Variants in SPTA1 observed in about 807,000 individuals in gnomAD.
SPTA1 encodes the protein spectrin alpha, erythrocytic 1, also known as spectrin alpha chain, erythrocytic 1.
Under a neutral mutation model 324.7 loss-of-function variants are expected in SPTA1, and 177 were observed. That is an observed-to-expected ratio of 0.55 (90% CI 0.48 to 0.62). SPTA1 has a LOEUF of 0.62. Among genes scored for constraint, SPTA1 ranks in the 20% least tolerant of loss-of-function variants. The probability of loss-of-function intolerance (pLI) is 0.00; values close to 1 mark genes in which losing one functional copy is unlikely to be tolerated. For synonymous variants in SPTA1, 1,195 were observed against 1,041.3 expected, an observed-to-expected ratio of 1.15 and a Z score of -2.84; for missense variants, 3,162 against 2,883.6, an observed-to-expected ratio of 1.10 and a Z score of -2.21.
At chr1:158,636,553 G>A (rs181740662) in intron 37 of SPTA1, 88 bp downstream of exon 37, 84 of 1,489,734 alleles carry the variant, frequency 5.6e-5, no homozygotes, top group Admixed American at 2.4e-4. Context: ...CTATTTTCAC[G>A]TTTTGTAGCA....
chr1:158,636,215 T>A (rs1413032987), intron 37 of SPTA1, among the ~76,000 whole-genome samples, 181 bp from the exon 38 acceptor site: 1 of 152,174 alleles, frequency 6.6e-6, no homozygotes, highest in Non-Finnish European at 1.5e-5. Context: ...TTTGCTATGC[T>A]AAACTTTCCC....
At chr1:158,615,061 G>A in intron 48 of SPTA1, 155 bp downstream of exon 48, 2 of 789,214 alleles carry the variant, frequency 2.5e-6, no homozygotes, top group Middle Eastern at 7.8e-4. Flanking sequence ...TCAGTATAAA[G>A]AGAAATAGTC....
chr1:158,647,453 A>C (rs1652079054), intron 27 of SPTA1, 86 bp downstream of exon 27: 1 of 1,551,648 alleles, frequency 6.4e-7, no homozygotes, highest in African/African-American at 1.4e-5. Context: ...GCCCTCCAAA[A>C]CCAGCAGTGA....
intron 3 of SPTA1, among the ~76,000 whole-genome samples, 181 bp from the exon 4 acceptor site, chr1:158,681,848 G>A (rs1654842574): frequency 6.6e-6 from 1 of 152,154 alleles, no homozygotes; most frequent in South Asian, 2.1e-4. Flanking sequence ...AACAAGCCAA[G>A]CCAAATGCGA....
In SPTA1 at chr1:158,642,493, G is replaced by A. The variant is rs1257858480; in HGVS notation, c.4655C>T (p.Ser1552Phe). The change falls in exon 33 of 52, where the codon TCT becomes TTT. Residue 1552 changes from serine to phenylalanine, a missense_variant. Transcript: ENST00000643759. Reference protein sequence around the residue: ...QTFAHEVDGRSEQVHGVINLG... With the variant: ...QTFAHEVDGRFEQVHGVINLG... ...GTTGATGACGCCATGCACCTGCTCA[G>A]ATCGGCCATCGACTTCATGTGCAAA... is the stretch of plus-strand genomic sequence containing the variant. 24 of 1,613,562 alleles carry A rather than the reference G, an allele frequency of 1.5e-5. No individual in the cohort carries two copies. The highest frequency in any genetic ancestry group is 1.9e-5 in the Non-Finnish European group (23 of 1,179,746).
At chr1:158,619,390 A>T in intron 44 of SPTA1, 56 bp from the exon 45 acceptor site, 1 of 1,560,744 alleles carries the variant, frequency 6.4e-7, no homozygotes, top group Non-Finnish European at 8.8e-7. Context: ...TCTTTGCCAT[A>T]AGAGAATTGG....
At chr1:158,614,114 A>G (rs1240898445) in intron 49 of SPTA1, 139 bp downstream of exon 49, 5 of 808,814 alleles carry the variant, frequency 6.2e-6, no homozygotes, top group Middle Eastern at 3.4e-4. Flanking sequence ...ACAGAAAGCC[A>G]TGACTGGAGC....
chr1:158,636,842 T>C, intron 36 of SPTA1, 81 bp from the exon 37 acceptor site: 2 of 1,605,476 alleles, frequency 1.2e-6, no homozygotes, highest in South Asian at 2.2e-5. Flanking sequence ...TATGACTATG[T>C]GTGTGGCTGG....
chr1:158,626,043 G>A, intron 42 of SPTA1, 103 bp downstream of exon 42: 3 of 968,278 alleles, frequency 3.1e-6, no homozygotes, highest in Non-Finnish European at 4.9e-6. Context: ...ATCTTACAGA[G>A]GCTACAGACA....
At chr1:158,626,754 A>T in intron 41 of SPTA1, 85 bp downstream of exon 41, 1 of 1,574,228 alleles carries the variant, frequency 6.4e-7, no homozygotes. Flanking sequence ...TTCATACAGT[A>T]AAAGTCCCAG....
At chr1:158,613,980 A>C in intron 49 of SPTA1, 113 bp from the exon 50 acceptor site, 1 of 1,238,422 alleles carries the variant, frequency 8.1e-7, no homozygotes. Context: ...CCTGTCACAA[A>C]ACTATCAGAG....
rs758023870 is a variant in SPTA1 at position 158,614,300 on chromosome 1, G to A, written c.6795C>T (p.Ile2265=). 4 of 1,571,368 alleles carry A rather than the reference G, an allele frequency of 2.5e-6. No individual in the cohort carries two copies. Among genetic ancestry groups the A allele is most frequent in the Non-Finnish European group, 3.5e-6 (4 of 1,152,144 alleles). ...TTAGAGTCTCTTCACTCACACCTTT[G>A]ATGTCCCTGAAAGAAAAAAAAAAAA... ...NLEQQIQAKD[I]KGVSEETLKE... The change falls in exon 49 of 52, where the codon ATC becomes ATT. Residue 2265 remains isoleucine (I), a synonymous_variant. Transcript: ENST00000643759.
intron 8 of SPTA1, 114 bp downstream of exon 8, chr1:158,676,027 G>T: frequency 2.1e-6 from 3 of 1,403,762 alleles, no homozygotes; most frequent in Non-Finnish European, 3.0e-6. Flanking sequence ...TACTGAGCAG[G>T]CAGGAGAGCT....
chr1:158,648,752 C>A, intron 25 of SPTA1, 99 bp from the exon 26 acceptor site: 1 of 1,306,888 alleles, frequency 7.7e-7, no homozygotes, highest in Non-Finnish European at 1.1e-6. Flanking sequence ...CACTCACCAT[C>A]CTCCCACCCA....
chr1:158,671,419 A>G lies in SPTA1; in HGVS notation c.1523T>C (p.Leu508Pro). 6.2e-7 allele frequency: 1 copy of G among 1,613,256 alleles called. No individual in the cohort carries two copies. Among genetic ancestry groups the G allele is most frequent in the Non-Finnish European group, 8.5e-7 (1 of 1,179,914 alleles). ...CTGAAGAAGGGCTTCTGCACTGCCC[A>G]GTGAGTTTCCCAGATCCTCGTTTTC... Reference protein sequence around the residue: ...FLENEDLGNSLGSAEALLQKH... With the variant: ...FLENEDLGNSPGSAEALLQKH... The change falls in exon 12 of 52, where the codon CTG becomes CCG. Residue 508 changes from leucine (L) to proline (P), a missense_variant. Coordinates refer to ENST00000643759, the MANE Select transcript of SPTA1 (RefSeq NM_003126.4).
intron 48 of SPTA1, 27 bp downstream of exon 48, chr1:158,615,189 C>T (rs866012895): frequency 6.2e-7 from 1 of 1,612,438 alleles, no homozygotes; most frequent in East Asian, 2.2e-5. Flanking sequence ...TGCATCCCTC[C>T]CTGCTCTGGC....
chr1:158,611,606 T>C, intron 51 of SPTA1: 1 of 485,374 alleles, frequency 2.1e-6, no homozygotes, highest in Non-Finnish European at 3.7e-6. Context: ...GAGAGCTTAC[T>C]CACTTTGATT....
chr1:158,646,124 C>G (rs1042883978), intron 27 of SPTA1, among the ~76,000 whole-genome samples: 1 of 152,160 alleles, frequency 6.6e-6, no homozygotes, highest in Admixed American at 6.5e-5. Context: ...CATACACATA[C>G]ACACACAGGC....
At chr1:158,679,599 C>G (rs1307522000) in intron 5 of SPTA1, among the ~76,000 whole-genome samples, 1 of 151,992 alleles carries the variant, frequency 6.6e-6, no homozygotes, top group Non-Finnish European at 1.5e-5. Context: ...TCACCAGGGC[C>G]CTAGACATGG....
Sources: gnomAD v4.1 joint callset for allele counts (sites outside exome capture counted in the v4.1 genomes callset) on GRCh38, gnomAD v4.1.1 for gene constraint, MANE v1.5 for transcripts, NCBI Gene and HGNC (gene_info 2026-07-23, HGNC 2026-07-21) for gene names.